The following KIAA0586 variants were observed in gnomAD, a reference collection of about 807,000 sequenced individuals.
KIAA0586 encodes the protein KIAA0586, also known as protein TALPID3.
Under a neutral mutation model 169.8 loss-of-function variants are expected in KIAA0586, and 144 were observed. That is an observed-to-expected ratio of 0.85 (90% CI 0.74 to 0.97). KIAA0586 has a LOEUF of 0.97. Among genes scored for constraint, KIAA0586 ranks in the 50% least tolerant of loss-of-function variants. KIAA0586 has a pLI of 0.00. For synonymous variants in KIAA0586, 625 were observed against 612.4 expected (o/e 1.02, Z -0.30); for missense variants, 1,854 against 1,823.0 (o/e 1.02, Z -0.31).
chr14:58,547,706 T>G, intron 30 of KIAA0586, 75 bp from the exon 31 acceptor site: 7 of 854,336 alleles, frequency 8.2e-6, no homozygotes, highest in Non-Finnish European at 8.9e-6. Context: ...CAACCTCATA[T>G]TATTTCGCAA....
intron 13 of KIAA0586, 98 bp from the exon 14 acceptor site, chr14:58,460,888 T>G: frequency 1.3e-6 from 1 of 777,558 alleles, no homozygotes; most frequent in South Asian, 3.8e-5. Flanking sequence ...TAATCATTCT[T>G]GTTATAATAC....
At chr14:58,558,586 A>G in the KIAA0586 span, among the ~76,000 whole-genome samples, 3 of 152,252 alleles carry the variant, frequency 2.0e-5, no homozygotes, top group African/African-American at 7.2e-5. Context: ...TGATTTTTGC[A>G]TATGAAACAA....
chr14:58,542,476 C>G, intron 30 of KIAA0586, among the ~76,000 whole-genome samples: 1 of 130,088 alleles, frequency 7.7e-6, no homozygotes, highest in East Asian at 2.2e-4. Flanking sequence ...TACTCCGTCT[C>G]AAAAAAAAAA....
rs538666793 is a variant in KIAA0586, at chr14:58,460,800, T to G, written c.1885-186T>G. On this transcript the variant is annotated intron_variant, in intron 13 of 30. Coordinates refer to ENST00000652326, the MANE Select transcript of KIAA0586 (RefSeq NM_001329943.3). ...TTTCTTAGGTGGATGATTTTTATAT[T>G]TAAAGCTTTTCAAACTAATGCTTGA... is the stretch of plus-strand genomic sequence containing the variant. Among the ~76,000 whole-genome samples the G allele has an allele frequency of 7.2e-5, 11 of 152,308 alleles. No homozygotes were observed. In the South Asian group the frequency reaches 2.3e-3, roughly 32 times the overall value.
At chr14:58,470,945 G>A (rs891652245) in intron 17 of KIAA0586, among the ~76,000 whole-genome samples, 4 of 151,828 alleles carry the variant, frequency 2.6e-5, no homozygotes, top group Admixed American at 6.6e-5. Context: ...TCCGCCTCCC[G>A]GGTTCAACCA....
intron 26 of KIAA0586, among the ~76,000 whole-genome samples, chr14:58,493,768 A>G (rs1397485750): frequency 6.6e-6 from 1 of 152,212 alleles, no homozygotes; most frequent in African/African-American, 2.4e-5. Flanking sequence ...ATTCAAAAAC[A>G]TACTCTCATA....
chr14:58,450,700 A>G lies in KIAA0586; in HGVS notation c.1083A>G (p.Glu361=). The G allele has an allele frequency of 6.2e-7, 1 of 1,609,542 alleles. No homozygotes were observed. Among genetic ancestry groups the G allele is most frequent in the Non-Finnish European group, 8.5e-7 (1 of 1,176,018 alleles). Reference sequence around the variant, plus strand: ...GGGATGATGAACTATCAAAGAGGGAAAATCTTTTGGAAGAAAAAGAAAATA... The same window carrying G: ...GGGATGATGAACTATCAAAGAGGGAGAATCTTTTGGAAGAAAAAGAAAATA... The part of the protein sequence containing the change: ...VSRDDELSKR[E]NLLEEKENME... Residue 361 remains glutamate (E), a synonymous_variant, in exon 8 of 31, where the codon GAA becomes GAG. Transcript: ENST00000652326.
In KIAA0586 at chr14:58,518,707, A is replaced by G. The variant is rs1227621670; in HGVS notation, c.4429+6080A>G. Among the ~76,000 whole-genome samples the G allele has an allele frequency of 4.6e-5, 7 of 152,204 alleles. No homozygotes were observed. The East Asian group carries it at 5.8e-4, about 13-fold the overall frequency. ...TCTCCCCACTTCTATATGCCTACAA[A>G]TTACTTATTCTTCAACATTCAGCTC... On this transcript the variant is annotated intron_variant, in intron 29 of 30. Coordinates refer to ENST00000652326, the MANE Select transcript of KIAA0586 (RefSeq NM_001329943.3).
At chr14:58,493,476 A>G (rs1374746445) in intron 26 of KIAA0586, among the ~76,000 whole-genome samples, 1 of 152,194 alleles carries the variant, frequency 6.6e-6, no homozygotes, top group Non-Finnish European at 1.5e-5. Context: ...TTTCTATCAT[A>G]TCTGGTTGTC....
chr14:58,533,500 C>T (rs192998850), intron 29 of KIAA0586, among the ~76,000 whole-genome samples: 3 of 152,234 alleles, frequency 2.0e-5, no homozygotes, highest in Admixed American at 2.0e-4. Context: ...CTGTTATTGT[C>T]TTCTGTGAAT....
chr14:58,460,178 G>A (rs2040208587), intron 13 of KIAA0586, 108 bp downstream of exon 13: 5 of 677,326 alleles, frequency 7.4e-6, no homozygotes, highest in African/African-American at 1.8e-5. Flanking sequence ...AAATATGAAG[G>A]ACTATACAAA....
In KIAA0586 at chr14:58,488,848, G is replaced by A; in HGVS notation, c.3755G>A (p.Ser1252Asn). Residue 1252 changes from serine (S) to asparagine (N), a missense_variant, in exon 24 of 31, where the codon AGC becomes AAC. Ser to Asn is a conservative substitution (Grantham distance 46). Coordinates refer to ENST00000652326, the MANE Select transcript of KIAA0586 (RefSeq NM_001329943.3). ...KPISEGEILF[S>N]CGQKLAPKIL... ...ATCTCTGAAGGAGAGATTTTATTTA[G>A]CTGTGGTCAAAAATTGGCCCCCAAG... 2 of 1,613,844 alleles carry A rather than the reference G, an allele frequency of 1.2e-6. 1 individual carries two copies. The highest frequency in any genetic ancestry group is 3.3e-4 in the Middle Eastern group (2 of 6,062).
intron 29 of KIAA0586, chr14:58,521,557 C>A: frequency 1.2e-6 from 1 of 862,562 alleles, no homozygotes; most frequent in Non-Finnish European, 2.0e-6. Flanking sequence ...GAAATGTCAG[C>A]ATGTATCAGG....
At chr14:58,517,297 A>G (rs2044834204) in intron 29 of KIAA0586, among the ~76,000 whole-genome samples, 1 of 152,224 alleles carries the variant, frequency 6.6e-6, no homozygotes, top group African/African-American at 2.4e-5. Context: ...AAACAACCCA[A>G]TTTTTAAAAT....
chr14:58,523,224 C>T (rs2045346160), intron 29 of KIAA0586, among the ~76,000 whole-genome samples: 1 of 152,034 alleles, frequency 6.6e-6, no homozygotes, highest in South Asian at 2.1e-4. Flanking sequence ...AAAGTAATTT[C>T]CTTTTCAATA....
At chr14:58,486,166 A>G (rs1254565528) in intron 21 of KIAA0586, among the ~76,000 whole-genome samples, 1 of 152,042 alleles carries the variant, frequency 6.6e-6, no homozygotes, top group Non-Finnish European at 1.5e-5. Context: ...TGTGTGCTCA[A>G]TGTTTAGCTC....
At chr14:58,445,516 C>G (rs1232503422) in intron 6 of KIAA0586, among the ~76,000 whole-genome samples, 1 of 151,446 alleles carries the variant, frequency 6.6e-6, no homozygotes, top group African/African-American at 2.4e-5. Flanking sequence ...TCACTGCAAC[C>G]TCCACCTCCC....
At chr14:58,460,169 A>T in intron 13 of KIAA0586, 99 bp downstream of exon 13, 1 of 708,090 alleles carries the variant, frequency 1.4e-6, no homozygotes, top group Non-Finnish European at 2.3e-6. Flanking sequence ...GTGTTTTAAA[A>T]ATATGAAGGA....
rs2141194889 is a variant in KIAA0586, at chr14:58,488,040, G to T, written c.3458G>T (p.Gly1153Val). 1.2e-6 allele frequency: 2 copies of T among 1,610,218 alleles called. No individual in the cohort carries two copies. Among genetic ancestry groups the T allele is most frequent in the Non-Finnish European group, 1.7e-6 (2 of 1,178,366 alleles). ...VSSPELPKPWGDGDLPLEEEN... is the reference protein window; with the variant it reads ...VSSPELPKPWVDGDLPLEEEN... The stretch of plus-strand genomic sequence containing the variant: ...AGCCCAGAGCTTCCCAAGCCATGGG[G>T]TGATGGAGACCTGCCACTGGAAGAA... The change falls in exon 23 of 31, where the codon GGT (glycine) becomes GTT (valine). Residue 1153 changes from glycine to valine, a missense_variant. Transcript: ENST00000652326.
Sources: gnomAD v4.1 joint callset for allele counts (sites outside exome capture counted in the v4.1 genomes callset) on GRCh38, gnomAD v4.1.1 for gene constraint, MANE v1.5 for transcripts, NCBI Gene and HGNC (gene_info 2026-07-23, HGNC 2026-07-21) for gene names.